Variants in HMG20A observed in about 807,000 individuals in gnomAD.
HMG20A encodes the protein high mobility group protein 20A.
Under a neutral mutation model 43.9 loss-of-function variants are expected in HMG20A, and 17 were observed. The observed-to-expected ratio is 0.39, with a 90% CI of 0.27 to 0.58. The LOEUF is 0.58. HMG20A is among the 20% of genes least tolerant of loss of function. HMG20A has a pLI of 0.59. For missense variants in HMG20A, 341 were observed against 438.2 expected, an observed-to-expected ratio of 0.78 and a Z score of 1.98; for synonymous variants, 132 against 147.5, an observed-to-expected ratio of 0.89 and a Z score of 0.76.
chr15:77,509,277 G>C, the HMG20A span, among the ~76,000 whole-genome samples: 1 of 150,856 alleles, frequency 6.6e-6, no homozygotes, highest in Non-Finnish European at 1.5e-5. Flanking sequence ...TCTCTTTTTT[G>C]AGACAGGGTC....
At chr15:77,451,198 A>G (rs1344951574) in intron 1 of HMG20A, among the ~76,000 whole-genome samples, 2 of 152,230 alleles carry the variant, frequency 1.3e-5, no homozygotes, top group Non-Finnish European at 2.9e-5. Flanking sequence ...AGTTTTGGCA[A>G]TTATGAATAA....
At chr15:77,465,609 G>A (rs1256825609) in intron 3 of HMG20A, among the ~76,000 whole-genome samples, 7 of 152,026 alleles carry the variant, frequency 4.6e-5, no homozygotes, top group Non-Finnish European at 1.0e-4. Flanking sequence ...TGACCAGGCT[G>A]GTCTCGAAAT....
chr15:77,454,698 A>C (rs2072638349), intron 1 of HMG20A, among the ~76,000 whole-genome samples: 1 of 152,162 alleles, frequency 6.6e-6, no homozygotes, highest in South Asian at 2.1e-4. Context: ...AGTGCAAGGG[A>C]ATTGAGTATT....
At chr15:77,462,772 C>CTTTTTTTTTTTTTTTT (rs71145836) in intron 2 of HMG20A, among the ~76,000 whole-genome samples, 3 of 127,786 alleles carry the variant, frequency 2.3e-5, no homozygotes, top group Non-Finnish European at 4.9e-5. Context: ...TTTTCTTTTT[C>CTTTTTTTTTTTTTTTT]TTTTTTTTTT....
chr15:77,438,897 TCTC>T (rs2073579407), intron 1 of HMG20A, among the ~76,000 whole-genome samples: 1 of 152,160 alleles, frequency 6.6e-6, no homozygotes, highest in African/African-American at 2.4e-5. Flanking sequence ...TTCACACCAT[TCTC>T]CTGCCTCAGC....
chr15:77,451,361 A>G (rs1280815117), intron 1 of HMG20A, among the ~76,000 whole-genome samples: 1 of 152,072 alleles, frequency 6.6e-6, no homozygotes, highest in Non-Finnish European at 1.5e-5. Context: ...AAATGTCTGT[A>G]CTGTTTTGTA....
chr15:77,458,025 T>C (rs2072671931), intron 1 of HMG20A, among the ~76,000 whole-genome samples: 1 of 152,232 alleles, frequency 6.6e-6, no homozygotes, highest in South Asian at 2.1e-4. Context: ...TAGTCTAAGA[T>C]GGTGAAATTG....
In HMG20A at chr15:77,484,643, G is replaced by T. The variant is rs920476020; in HGVS notation, c.*1680G>T. On this transcript the variant is annotated 3_prime_UTR_variant, in exon 10 of 10. Coordinates refer to ENST00000336216, the MANE Select transcript of HMG20A (RefSeq NM_001304504.2). ...ATGAACATATATCAAATATCCATGC[G>T]CTGAAACCCACATACCATCACTTGG... 1 of 152,180 alleles carries T rather than the reference G, an allele frequency of 6.6e-6. No homozygotes were observed. The highest frequency in any genetic ancestry group is 2.4e-5 in the African/African-American group (1 of 41,420). The allele number at this position is 152,180 out of a possible 1,614,324, so 9.4% of individuals were successfully genotyped here.
At chr15:77,459,201 C>T (rs1453377036) in intron 2 of HMG20A, among the ~76,000 whole-genome samples, 2 of 152,156 alleles carry the variant, frequency 1.3e-5, no homozygotes, top group Non-Finnish European at 2.9e-5. Flanking sequence ...GTTTCCTTCC[C>T]TCACATTTAT....
At chr15:77,505,819 A>T in the HMG20A span, among the ~76,000 whole-genome samples, 1 of 152,186 alleles carries the variant, frequency 6.6e-6, no homozygotes, top group Non-Finnish European at 1.5e-5. Context: ...CCGGGAGTAG[A>T]TGGCAGAGCC....
the HMG20A span, among the ~76,000 whole-genome samples, chr15:77,508,674 G>A: frequency 2.0e-5 from 3 of 152,212 alleles, no homozygotes; most frequent in African/African-American, 4.8e-5. Flanking sequence ...AGGGCTGGAC[G>A]GGTCACTTGG....
downstream of HMG20A, among the ~76,000 whole-genome samples, chr15:77,489,589 G>C (rs1485679394): frequency 2.0e-5 from 3 of 152,156 alleles, no homozygotes; most frequent in Non-Finnish European, 2.9e-5. Context: ...GGGAAAAAGA[G>C]ACTACAAACA....
At chr15:77,431,600 G>C (rs912994967) in intron 1 of HMG20A, among the ~76,000 whole-genome samples, 5 of 152,076 alleles carry the variant, frequency 3.3e-5, no homozygotes, top group African/African-American at 1.2e-4. Context: ...TTGTGGAATA[G>C]CTAAATTGCG....
downstream of HMG20A, among the ~76,000 whole-genome samples, chr15:77,489,860 G>A (rs1400601522): frequency 1.3e-5 from 2 of 152,240 alleles, no homozygotes; most frequent in Non-Finnish European, 2.9e-5. Context: ...AAGTTGCAAG[G>A]CAGGCAATAG....
chr15:77,516,652 T>C, the HMG20A span, among the ~76,000 whole-genome samples: 1 of 151,748 alleles, frequency 6.6e-6, no homozygotes, highest in Non-Finnish European at 1.5e-5. Flanking sequence ...CCAGGGGAGA[T>C]GTCTGAGTGG....
chr15:77,497,040 C>G, the HMG20A span, among the ~76,000 whole-genome samples: 1 of 152,200 alleles, frequency 6.6e-6, no homozygotes, highest in Non-Finnish European at 1.5e-5. Context: ...TGGGAAAGAA[C>G]CTGGGGTTCC....
At chr15:77,421,167 C>G in intron 1 of HMG20A, 163 bp downstream of exon 1, 1 of 210,070 alleles carries the variant, frequency 4.8e-6, no homozygotes, top group Non-Finnish European at 9.0e-6. Flanking sequence ...GAAGGCCGTC[C>G]TGGGGAGGGG....
intron 6 of HMG20A, among the ~76,000 whole-genome samples, chr15:77,477,221 A>G (rs1010028016): frequency 2.0e-5 from 3 of 152,216 alleles, no homozygotes; most frequent in Non-Finnish European, 2.9e-5. Context: ...TCCCACTGCA[A>G]TCACTTTCAC....
the HMG20A span, among the ~76,000 whole-genome samples, chr15:77,511,465 C>T: frequency 2.6e-5 from 4 of 152,104 alleles, no homozygotes; most frequent in Non-Finnish European, 2.9e-5. Context: ...GGAAATAGAG[C>T]ACTTGAAACA....
Sources: gnomAD v4.1 joint callset for allele counts (sites outside exome capture counted in the v4.1 genomes callset) on GRCh38, gnomAD v4.1.1 for gene constraint, MANE v1.5 for transcripts, NCBI Gene and HGNC (gene_info 2026-07-23, HGNC 2026-07-21) for gene names.